The following SUGCT variants were observed in gnomAD, a reference collection of about 807,000 sequenced individuals.
SUGCT encodes the protein succinyl-CoA:glutarate CoA-transferase.
SUGCT carries 41 observed loss-of-function variants against 55.0 expected under a neutral mutation model. The ratio of observed to expected loss-of-function variants is 0.74; its 90% CI spans 0.58 to 0.97. SUGCT has a LOEUF of 0.97. Among genes scored for constraint, SUGCT ranks in the 50% least tolerant of loss-of-function variants. SUGCT has a pLI of 0.00. For missense variants in SUGCT, 568 were observed against 547.8 expected, an observed-to-expected ratio of 1.04 and a Z score of -0.37; for synonymous variants, 187 against 200.4, an observed-to-expected ratio of 0.93 and a Z score of 0.56.
At chr7:40,289,247 C>T (rs1322188198) in intron 8 of SUGCT, among the ~76,000 whole-genome samples, 2 of 151,928 alleles carry the variant, frequency 1.3e-5, no homozygotes, top group African/African-American at 2.4e-5. Flanking sequence ...AAGAGAGAGG[C>T]GAGAGTATCA....
chr7:40,885,875 G>T, the SUGCT span, among the ~76,000 whole-genome samples: 1 of 152,320 alleles, frequency 6.6e-6, no homozygotes, highest in Non-Finnish European at 1.5e-5. Context: ...TTAAGCTAAT[G>T]TTGGTGTTGG....
the SUGCT span, among the ~76,000 whole-genome samples, chr7:40,892,171 C>A: frequency 1.3e-5 from 2 of 151,998 alleles, no homozygotes; most frequent in Non-Finnish European, 2.9e-5. Context: ...TTAATGGATA[C>A]ACAATATATA....
chr7:40,494,608 A>G (rs1791872567), intron 11 of SUGCT, among the ~76,000 whole-genome samples: 1 of 152,224 alleles, frequency 6.6e-6, no homozygotes, highest in Non-Finnish European at 1.5e-5. Context: ...CAAATTGGAG[A>G]GAAAATGGAA....
chr7:40,527,352 CTT>C (rs1793858731), intron 12 of SUGCT, among the ~76,000 whole-genome samples: 1 of 152,206 alleles, frequency 6.6e-6, no homozygotes, highest in Non-Finnish European at 1.5e-5. Context: ...ACACAAAACT[CTT>C]TCAATCAGTT....
chr7:41,001,609 T>A, the SUGCT span, among the ~76,000 whole-genome samples: 1 of 152,286 alleles, frequency 6.6e-6, no homozygotes, highest in South Asian at 2.1e-4. Flanking sequence ...ATGGTCCAGT[T>A]CTGGTGAGGG....
At chr7:40,815,669 G>A (rs2128761781) in intron 13 of SUGCT, among the ~76,000 whole-genome samples, 1 of 152,266 alleles carries the variant, frequency 6.6e-6, no homozygotes. Context: ...GAAGGGTGGG[G>A]TAGTTCAGGC....
chr7:40,986,498 T>C, the SUGCT span, among the ~76,000 whole-genome samples: 5 of 152,200 alleles, frequency 3.3e-5, no homozygotes, highest in East Asian at 9.6e-4. Flanking sequence ...TAACCCTTAA[T>C]GAGCATATGT....
intron 9 of SUGCT, among the ~76,000 whole-genome samples, chr7:40,407,560 G>A (rs1583614437): frequency 6.6e-6 from 1 of 151,970 alleles, no homozygotes; most frequent in Admixed American, 6.6e-5. Flanking sequence ...AGAAGATCAT[G>A]CCAAAAAAAA....
At chr7:40,965,277 C>T in the SUGCT span, 3 of 152,172 alleles carry the variant, frequency 2.0e-5, no homozygotes, top group South Asian at 2.1e-4. Flanking sequence ...CCATATCTCC[C>T]CTCTTTTGCT....
In SUGCT at chr7:40,237,686, C is replaced by T. The variant is rs748402250; in HGVS notation, c.536C>T (p.Ala179Val). 7.4e-6 allele frequency: 12 copies of T among 1,613,892 alleles called. No individual in the cohort carries two copies. The South Asian group carries it at 1.2e-4, about 16-fold the overall frequency. Reference sequence around the variant, plus strand: ...CAGCGAGCTGGTTATGATGCTGTTGCCTCGGCTGTTTCTGGTCTGATGCAC... The same window carrying T: ...CAGCGAGCTGGTTATGATGCTGTTGTCTCGGCTGTTTCTGGTCTGATGCAC... The part of the protein sequence containing the change: ...ISQRAGYDAV[A>V]SAVSGLMHIT... Residue 179 changes from alanine to valine, a missense_variant, in exon 7 of 14, where the codon GCC (alanine) becomes GTC (valine). Coordinates refer to ENST00000335693, the MANE Select transcript of SUGCT (RefSeq NM_001193313.2).
intron 12 of SUGCT, among the ~76,000 whole-genome samples, chr7:40,697,606 C>G (rs1227421393): frequency 1.3e-5 from 2 of 152,156 alleles, no homozygotes; most frequent in African/African-American, 4.8e-5. Flanking sequence ...CCACTGCACT[C>G]CAGCCTGGGT....
At chr7:40,364,584 G>C (rs1053120885) in intron 9 of SUGCT, among the ~76,000 whole-genome samples, 1 of 152,116 alleles carries the variant, frequency 6.6e-6, no homozygotes, top group African/African-American at 2.4e-5. Context: ...AGCTTAGTTT[G>C]GGTGGATATG....
intron 13 of SUGCT, among the ~76,000 whole-genome samples, chr7:40,823,522 T>C (rs1295275926): frequency 6.6e-6 from 1 of 152,160 alleles, no homozygotes; most frequent in Non-Finnish European, 1.5e-5. Context: ...GCAAATGCAA[T>C]TTCTACTACC....
At chr7:40,922,786 A>C in the SUGCT span, among the ~76,000 whole-genome samples, 5 of 152,216 alleles carry the variant, frequency 3.3e-5, no homozygotes, top group Non-Finnish European at 7.3e-5. Context: ...CCTTGCAATA[A>C]GTGCCACACA....
intron 1 of SUGCT, among the ~76,000 whole-genome samples, chr7:40,163,330 G>C (rs1410361030): frequency 1.3e-5 from 2 of 152,062 alleles, no homozygotes. Context: ...TGTTGGCTGG[G>C]CATAGTTGCT....
chr7:40,949,372 T>C, the SUGCT span, among the ~76,000 whole-genome samples: 6 of 152,116 alleles, frequency 3.9e-5, no homozygotes, highest in Admixed American at 6.6e-5. Context: ...GTCAGATGAG[T>C]AGATTGCAAA....
intron 9 of SUGCT, among the ~76,000 whole-genome samples, chr7:40,384,350 C>A (rs966960681): frequency 6.6e-6 from 1 of 152,150 alleles, no homozygotes; most frequent in East Asian, 1.9e-4. Context: ...CAAATCATGC[C>A]CAGCGTGTAA....
chr7:40,898,990 G>A, the SUGCT span, among the ~76,000 whole-genome samples: 42 of 152,186 alleles, frequency 2.8e-4, no homozygotes, highest in South Asian at 7.7e-3. Context: ...GCTGGGGAGG[G>A]GGGTCTACAG....
chr7:40,500,849 T>C (rs1792243066), intron 12 of SUGCT, among the ~76,000 whole-genome samples: 1 of 151,710 alleles, frequency 6.6e-6, no homozygotes, highest in Admixed American at 6.6e-5. Context: ...TCAAGACCTT[T>C]CTATCACACA....
Sources: gnomAD v4.1 joint callset for allele counts (sites outside exome capture counted in the v4.1 genomes callset) on GRCh38, gnomAD v4.1.1 for gene constraint, MANE v1.5 for transcripts, NCBI Gene and HGNC (gene_info 2026-07-23, HGNC 2026-07-21) for gene names.